Variants in SLCO5A1 observed in about 807,000 individuals in gnomAD.
The protein encoded by SLCO5A1 is solute carrier organic anion transporter family member 5A1.
A neutral mutation model predicts 65.1 loss-of-function variants in SLCO5A1; 39 were observed. The ratio of observed to expected loss-of-function variants is 0.60; its 90% confidence interval spans 0.46 to 0.78. The LOEUF is 0.78. Ranked by LOEUF, SLCO5A1 falls within the 30% of genes least tolerant of loss-of-function variation. The pLI, the probability that SLCO5A1 is intolerant of heterozygous loss-of-function variation, is 0.00. For missense variants in SLCO5A1, 1,029 were observed against 1,069.4 expected (o/e 0.96, Z 0.53); for synonymous variants, 438 against 415.7 (o/e 1.05, Z -0.65).
At chr8:69,824,035 A>G (rs1426722564) in intron 2 of SLCO5A1, among the ~76,000 whole-genome samples, 1 of 152,276 alleles carries the variant, frequency 6.6e-6, no homozygotes, top group African/African-American at 2.4e-5. Context: ...TACTGGGTAC[A>G]TAACTAAATG....
At chr8:69,815,647 A>AACACACACACACACAC (rs55665513) in intron 2 of SLCO5A1, among the ~76,000 whole-genome samples, 24 of 141,190 alleles carry the variant, frequency 1.7e-4, no homozygotes, top group Non-Finnish European at 2.8e-4. Flanking sequence ...GTAAAATATC[A>AACACACACACACACAC]ACACACACAC....
At chr8:69,680,223 A>G (rs1813708551) in intron 7 of SLCO5A1, among the ~76,000 whole-genome samples, 1 of 152,100 alleles carries the variant, frequency 6.6e-6, no homozygotes, top group Non-Finnish European at 1.5e-5. Context: ...TGGTGTACAG[A>G]TGATCCCATC....
rs1033706234 is a variant in SLCO5A1, at chr8:69,832,379, C to T, written c.295G>A (p.Val99Met). 6.2e-7 allele frequency: 1 copy of T among 1,613,420 alleles called. No individual in the cohort carries two copies. Among genetic ancestry groups the T allele is most frequent in the Non-Finnish European group, 8.5e-7 (1 of 1,179,664 alleles). Residue 99 changes from valine (V) to methionine (M), a missense_variant, in exon 2 of 10, where the codon GTG (valine) becomes ATG (methionine). Physicochemically the swap from Val to Met is conservative, Grantham distance 21. This residue lies in a region of SLCO5A1 where 647 missense variants were observed against 647.5 expected (regional missense o/e 1.00). Coordinates refer to ENST00000260126, the MANE Select transcript of SLCO5A1 (RefSeq NM_030958.3). The surrounding 1 kb of genome is among the most constrained non-coding windows in gnomAD (Gnocchi z 4.5). ...SAGLGDCNHR[V>M]DLSKTFSVSS... ...ACCGAGAAGGTTTTGCTGAGGTCCA[C>T]CCTGTGGTTACAGTCCCCGAGCCCC...
At chr8:69,709,429 G>C (rs907605846) in intron 5 of SLCO5A1, among the ~76,000 whole-genome samples, 1 of 152,174 alleles carries the variant, frequency 6.6e-6, no homozygotes, top group African/African-American at 2.4e-5. Context: ...CTCTGGGCTA[G>C]AACAGAGGAT....
intron 5 of SLCO5A1, among the ~76,000 whole-genome samples, chr8:69,718,083 T>C (rs1253349220): frequency 6.6e-6 from 1 of 152,216 alleles, no homozygotes; most frequent in Non-Finnish European, 1.5e-5. Context: ...TGTTTTGTGG[T>C]TTTCAGAATA....
intron 4 of SLCO5A1, among the ~76,000 whole-genome samples, chr8:69,743,433 A>T (rs910288829): frequency 2.0e-5 from 3 of 152,100 alleles, no homozygotes; most frequent in African/African-American, 7.2e-5. Flanking sequence ...GCTCACTGCA[A>T]CCTCAAACTC....
intron 2 of SLCO5A1, 127 bp from the exon 3 acceptor site, chr8:69,762,002 C>A: frequency 2.9e-5 from 34 of 1,156,688 alleles, no homozygotes; most frequent in Non-Finnish European, 4.0e-5. Context: ...AAACGGAGAC[C>A]TTTGGAGATT....
rs773098011 is a variant in SLCO5A1 at position 69,676,582 on chromosome 8, G to C, written c.2089+27C>G. On this transcript the variant is annotated intron_variant, in intron 9 of 9. Coordinates refer to ENST00000260126, the MANE Select transcript of SLCO5A1 (RefSeq NM_030958.3). Reference sequence around the variant, plus strand: ...TGCCATCTGCAAAGAGGAACTAAGAGGTACACTTGGAAATTCAGGGACGTA... The same window carrying C: ...TGCCATCTGCAAAGAGGAACTAAGACGTACACTTGGAAATTCAGGGACGTA... 26 of 1,602,258 alleles carry C rather than the reference G, an allele frequency of 1.6e-5. 1 individual carries two copies. The South Asian group carries it at 2.6e-4, about 16-fold the overall frequency.
chr8:69,752,603 T>C (rs1329995265), intron 4 of SLCO5A1, among the ~76,000 whole-genome samples: 2 of 151,870 alleles, frequency 1.3e-5, no homozygotes. Flanking sequence ...AATATTCTAA[T>C]TGAACATCAT....
At chr8:69,725,354 T>G (rs1448602595) in intron 5 of SLCO5A1, among the ~76,000 whole-genome samples, 1 of 152,130 alleles carries the variant, frequency 6.6e-6, no homozygotes, top group Non-Finnish European at 1.5e-5. Context: ...AGGCAGAAAT[T>G]TAAACATCGA....
In SLCO5A1 at chr8:69,672,924, G is replaced by A. The variant is rs1299419155; in HGVS notation, c.2492C>T (p.Ser831Phe). 6.2e-7 allele frequency: 1 copy of A among 1,614,236 alleles called. No homozygotes were observed. Among genetic ancestry groups the A allele is most frequent in the Non-Finnish European group, 8.5e-7 (1 of 1,180,030 alleles). The change falls in exon 10 of 10, where the codon TCC becomes TTC. Residue 831 changes from serine (S) to phenylalanine (F), a missense_variant. Coordinates refer to ENST00000260126, the MANE Select transcript of SLCO5A1 (RefSeq NM_030958.3). ...CTCTTCCAGCCCCGGGTCCGCAGAG[G>A]AACTTATTGCTTCTGGGAAGGGCCC... ...YPGPFPEAIS[S>F]SADPGLEESP...
chr8:69,719,758 T>C (rs1156981593), intron 5 of SLCO5A1: 1 of 152,236 alleles, frequency 6.6e-6, no homozygotes, highest in East Asian at 1.9e-4. Context: ...AACCAAGTTT[T>C]CCCAGACATG....
intron 5 of SLCO5A1, among the ~76,000 whole-genome samples, chr8:69,722,096 C>G (rs1815851653): frequency 6.6e-6 from 1 of 152,132 alleles, no homozygotes; most frequent in South Asian, 2.1e-4. Context: ...CGCCTGAGAC[C>G]AGGAGGCGGA....
intron 6 of SLCO5A1, among the ~76,000 whole-genome samples, chr8:69,702,208 T>A (rs1814770188): frequency 6.6e-6 from 1 of 152,232 alleles, no homozygotes; most frequent in African/African-American, 2.4e-5. Context: ...TAGTGATGAC[T>A]AATGACAAGA....
rs764425954 is a variant in SLCO5A1 at position 69,831,874 on chromosome 8, A to T, written c.800T>A (p.Phe267Tyr). The T allele has an allele frequency of 1.9e-6, 3 of 1,613,638 alleles. No individual in the cohort carries two copies. The highest frequency in any genetic ancestry group is 2.5e-6 in the Non-Finnish European group (3 of 1,179,902). ...TCCAATGAGAATCTGCGCGCAAATGAATAAAGCCACGTAGACCCAGTGATT... is the reference window on the plus strand; with the variant it reads ...TCCAATGAGAATCTGCGCGCAAATGTATAAAGCCACGTAGACCCAGTGATT... ...GNNHWVYVAL[F>Y]ICAQILIGMG... Residue 267 changes from phenylalanine (F) to tyrosine (Y), a missense_variant, in exon 2 of 10, where the codon TTC (phenylalanine) becomes TAC (tyrosine). Physicochemically the swap from Phe to Tyr is conservative, Grantham distance 22. This residue lies in a region of SLCO5A1 where 647 missense variants were observed against 647.5 expected (regional missense o/e 1.00). Coordinates refer to ENST00000260126, the MANE Select transcript of SLCO5A1 (RefSeq NM_030958.3).
In SLCO5A1 at chr8:69,764,573, G is replaced by A. The variant is rs527923412; in HGVS notation, c.908-2698C>T. Among the ~76,000 whole-genome samples the A allele has an allele frequency of 5.9e-5, 9 of 152,220 alleles. No individual in the cohort carries two copies. In the South Asian group the frequency reaches 8.3e-4, roughly 14 times the overall value. On this transcript the variant is annotated intron_variant, in intron 2 of 9. Transcript: ENST00000260126. ...ATGGAGGCAGAGCCACAAGTAATTC[G>A]TACTTTTTCAGAAGCATGCTTCTCA...
intron 2 of SLCO5A1, among the ~76,000 whole-genome samples, chr8:69,775,129 A>G (rs1195768394): frequency 1.3e-5 from 2 of 152,220 alleles, no homozygotes; most frequent in African/African-American, 4.8e-5. Context: ...ACATCCAGAG[A>G]GCATCTCAGG....
chr8:69,731,157 G>T (rs1322558666), intron 5 of SLCO5A1, among the ~76,000 whole-genome samples: 1 of 152,050 alleles, frequency 6.6e-6, no homozygotes, highest in Non-Finnish European at 1.5e-5. Context: ...GTGTCACCAC[G>T]CCTGGCTAAT....
intron 2 of SLCO5A1, among the ~76,000 whole-genome samples, chr8:69,822,032 A>G (rs1478276608): frequency 9.9e-5 from 15 of 152,032 alleles, no homozygotes; most frequent in Admixed American, 7.9e-4. Flanking sequence ...AGGCTGAGGC[A>G]GGAGAATCAC....
Sources: allele counts gnomAD v4.1 joint callset (sites outside exome capture counted in the v4.1 genomes callset), GRCh38; gene constraint gnomAD v4.1.1; regional missense constraint gnomAD v4.1.1; non-coding constraint Gnocchi (gnomAD v3.1); transcripts MANE v1.5; gene names NCBI Gene and HGNC (gene_info 2026-07-23, HGNC 2026-07-21).